Variants in DTD1 observed in about 807,000 individuals in gnomAD.
DTD1 encodes the protein D-tyrosyl-tRNA deacylase 1 homolog.
DTD1 carries 13 observed loss-of-function variants against 25.6 expected under a neutral mutation model. That is an observed-to-expected ratio of 0.51 (90% CI 0.33 to 0.81). DTD1 has a LOEUF of 0.81. Among genes scored for constraint, DTD1 ranks in the 30% least tolerant of loss-of-function variants. DTD1 has a pLI of 0.02. For synonymous variants in DTD1, 110 were observed against 103.6 expected (o/e 1.06, Z -0.37); for missense variants, 193 against 266.4 (o/e 0.72, Z 1.92).
At position 18,591,616 on chromosome 20, in the gene DTD1, C is replaced by T. The variant is rs118031198; in HGVS notation, c.44-2115C>T. On this transcript the variant is annotated intron_variant, in intron 1 of 5. Coordinates refer to ENST00000377452, the MANE Select transcript of DTD1 (RefSeq NM_080820.6). ...ATCATTAAAATATTAAAGTACTTAC[C>T]TTTGTTCTTTTTTTCATGTTTCTCA... Among the ~76,000 whole-genome samples the T allele has an allele frequency of 7.9e-3, 1,204 of 151,924 alleles. 8 individuals are homozygous for T. The highest frequency in any genetic ancestry group is 0.014 in the Middle Eastern group (4 of 294).
intron 5 of DTD1, among the ~76,000 whole-genome samples, chr20:18,753,816 A>G (rs571279958): frequency 6.6e-6 from 1 of 152,072 alleles, no homozygotes; most frequent in African/African-American, 2.4e-5. Flanking sequence ...CATTCTTTTC[A>G]TGTTCTATCT....
At chr20:18,699,241 C>A (rs1251882166) in intron 4 of DTD1, among the ~76,000 whole-genome samples, 1 of 152,180 alleles carries the variant, frequency 6.6e-6, no homozygotes, top group Non-Finnish European at 1.5e-5. Flanking sequence ...CAGAATGAAG[C>A]CTCCAACCCA....
At chr20:18,644,581 A>G (rs966353830) in intron 4 of DTD1, among the ~76,000 whole-genome samples, 6 of 152,234 alleles carry the variant, frequency 3.9e-5, no homozygotes, top group East Asian at 1.9e-4. Flanking sequence ...ATAGAATTTA[A>G]TAAAATGAAA....
At chr20:18,660,418 G>A (rs1006162052) in intron 4 of DTD1, among the ~76,000 whole-genome samples, 4 of 151,896 alleles carry the variant, frequency 2.6e-5, no homozygotes, top group Non-Finnish European at 5.9e-5. Context: ...ACAGGGTTTT[G>A]CCATGTTGCC....
chr20:18,693,221 G>C (rs929680386), intron 4 of DTD1, among the ~76,000 whole-genome samples: 1 of 152,116 alleles, frequency 6.6e-6, no homozygotes, highest in Non-Finnish European at 1.5e-5. Flanking sequence ...TTTTCTTTTT[G>C]ACCTTGTATT....
At chr20:18,588,451 C>T (rs2060575189) in intron 1 of DTD1, among the ~76,000 whole-genome samples, 1 of 152,254 alleles carries the variant, frequency 6.6e-6, no homozygotes, top group Non-Finnish European at 1.5e-5. Context: ...GTGGTCCGCT[C>T]TTCAGGGAGT....
chr20:18,746,723 TA>T (rs1298914788), intron 5 of DTD1, among the ~76,000 whole-genome samples: 2 of 151,944 alleles, frequency 1.3e-5, no homozygotes, highest in Non-Finnish European at 2.9e-5. Flanking sequence ...AAAGATACAT[TA>T]GTTGTAATTG....
intron 3 of DTD1, among the ~76,000 whole-genome samples, chr20:18,613,233 A>G (rs1401921742): frequency 6.6e-6 from 1 of 152,220 alleles, no homozygotes; most frequent in Non-Finnish European, 1.5e-5. Flanking sequence ...CCCTTGTGCT[A>G]GGCTCTGGGT....
chr20:18,661,463 C>A (rs1331738773), intron 4 of DTD1, among the ~76,000 whole-genome samples: 1 of 151,412 alleles, frequency 6.6e-6, no homozygotes, highest in Non-Finnish European at 1.5e-5. Context: ...GCTCTGCCTC[C>A]CAGGTTCATG....
intron 3 of DTD1, among the ~76,000 whole-genome samples, chr20:18,619,804 C>T (rs1471087966): frequency 6.6e-6 from 1 of 152,160 alleles, no homozygotes; most frequent in East Asian, 1.9e-4. Flanking sequence ...AAATGTAAAG[C>T]ATGGATTGAA....
rs117768301 is a variant in DTD1, at chr20:18,743,843, C to T, written c.478-257C>T. Among the ~76,000 whole-genome samples the T allele has an allele frequency of 7.8e-3, 1,192 of 152,278 alleles. 8 individuals are homozygous for T. Among genetic ancestry groups the T allele is most frequent in the Non-Finnish European group, 0.013 (851 of 68,016 alleles). Reference sequence around the variant, plus strand: ...GCTGTGGCATGACCGCTCCCTCATACTGTGTGCCAAGTTGAATTATGGTTG... The same window carrying T: ...GCTGTGGCATGACCGCTCCCTCATATTGTGTGCCAAGTTGAATTATGGTTG... On this transcript the variant is annotated intron_variant, in intron 4 of 5. Transcript: ENST00000377452.
chr20:18,673,450 A>G (rs1335736348), intron 4 of DTD1, among the ~76,000 whole-genome samples: 1 of 152,190 alleles, frequency 6.6e-6, no homozygotes, highest in Non-Finnish European at 1.5e-5. Context: ...ATATAATGTA[A>G]AGGGAAAGGC....
intron 3 of DTD1, among the ~76,000 whole-genome samples, chr20:18,601,135 G>A (rs561308964): frequency 1.1e-4 from 17 of 152,162 alleles, no homozygotes; most frequent in Non-Finnish European, 2.2e-4. Flanking sequence ...TAGTGGGAAA[G>A]CTTCTAGTTT....
intron 4 of DTD1, among the ~76,000 whole-genome samples, chr20:18,742,796 C>A (rs1327983649): frequency 6.6e-6 from 1 of 152,172 alleles, no homozygotes; most frequent in African/African-American, 2.4e-5. Context: ...GAAGGGTTAA[C>A]TCAAAGTCTG....
chr20:18,671,570 G>C (rs1353524811), intron 4 of DTD1, among the ~76,000 whole-genome samples: 1 of 152,172 alleles, frequency 6.6e-6, no homozygotes, highest in East Asian at 1.9e-4. Flanking sequence ...ATTAAAAACA[G>C]CACTAGCATG....
chr20:18,663,383 T>C (rs1293510417), intron 4 of DTD1, among the ~76,000 whole-genome samples: 4 of 152,040 alleles, frequency 2.6e-5, no homozygotes, highest in Admixed American at 2.6e-4. Flanking sequence ...AAAGTTTCCA[T>C]ACAACAGGTT....
At chr20:18,619,386 CA>C (rs1170988484) in intron 3 of DTD1, among the ~76,000 whole-genome samples, 3 of 152,132 alleles carry the variant, frequency 2.0e-5, no homozygotes, top group Non-Finnish European at 4.4e-5. Flanking sequence ...TCCAAAATTA[CA>C]AAGAAATTTG....
At position 18,764,150 on chromosome 20, in the gene DTD1, C is replaced by T. The variant is rs534979585; in HGVS notation, c.*810C>T. ...AGGGAGTGTGGGTCAGAAGATAGTC[C>T]AGTTTCAGAATGGCCACACTGTTCT... On this transcript the variant is annotated 3_prime_UTR_variant, in exon 6 of 6. Coordinates refer to ENST00000377452, the MANE Select transcript of DTD1 (RefSeq NM_080820.6). 1 of 152,236 alleles carries T rather than the reference C, an allele frequency of 6.6e-6. No homozygotes were observed. The highest frequency in any genetic ancestry group is 2.1e-4 in the South Asian group (1 of 4,820). 9.4% of individuals were successfully genotyped at this position (152,236 alleles called of 1,614,324 possible). A position where few individuals can be genotyped will look rare whatever the true frequency, so the allele number is the denominator to read the frequency against.
chr20:18,596,790 A>C lies in DTD1; in HGVS notation c.370+549A>C, dbSNP rs182444230. On this transcript the variant is annotated intron_variant, in intron 3 of 5. Transcript: ENST00000377452. ...TAGAGCAGTTTTAGGTTCACAGTAA[A>C]ATTGAGAGGATGGTACAGAGATATT... Among the ~76,000 whole-genome samples, 134 of 152,022 alleles carry C rather than the reference A, an allele frequency of 8.8e-4. 2 individuals carry two copies. Among genetic ancestry groups the C allele is most frequent in the Non-Finnish European group, 4.1e-4 (28 of 67,974 alleles).
Sources: allele counts gnomAD v4.1 joint callset (sites outside exome capture counted in the v4.1 genomes callset), GRCh38; gene constraint gnomAD v4.1.1; transcripts MANE v1.5; gene names NCBI Gene and HGNC (gene_info 2026-07-23, HGNC 2026-07-21).